ABI3BP: variants seen among roughly 807,000 people sequenced by gnomAD.
ABI3BP encodes the protein ABI family member 3 binding protein.
A neutral mutation model predicts 268.6 loss-of-function variants in ABI3BP; 216 were observed. The observed-to-expected ratio is 0.80, with a 90% CI of 0.72 to 0.90. The LOEUF (loss-of-function observed/expected upper bound fraction) is 0.90. ABI3BP is among the 40% of genes least tolerant of loss of function. The probability of loss-of-function intolerance (pLI) is 0.00; values close to 1 mark genes in which losing one functional copy is unlikely to be tolerated. For missense variants in ABI3BP, 2,090 were observed against 2,182.4 expected (o/e 0.96, Z 0.84); for synonymous variants, 730 against 730.0 (o/e 1.00, Z 0.00).
chr3:100,909,993 A>G (rs1372556805), intron 2 of ABI3BP, among the ~76,000 whole-genome samples: 2 of 152,226 alleles, frequency 1.3e-5, no homozygotes, highest in Admixed American at 1.3e-4. Flanking sequence ...AGCACTGTTC[A>G]CAATAGCAAA....
intron 2 of ABI3BP, among the ~76,000 whole-genome samples, chr3:100,906,065 C>T (rs974448337): frequency 2.0e-5 from 3 of 152,098 alleles, no homozygotes; most frequent in African/African-American, 7.2e-5. Context: ...TTTTAGAAAA[C>T]AAAACCCCTA....
intron 44 of ABI3BP, among the ~76,000 whole-genome samples, chr3:100,815,327 G>A (rs2098001486): frequency 6.6e-6 from 1 of 152,094 alleles, no homozygotes; most frequent in Non-Finnish European, 1.5e-5. Context: ...CACATATGAA[G>A]TGATTAAAGG....
At chr3:100,830,410 T>C (rs1310724784) in intron 32 of ABI3BP, among the ~76,000 whole-genome samples, 168 bp downstream of exon 32, 1 of 151,844 alleles carries the variant, frequency 6.6e-6, no homozygotes. Flanking sequence ...CTTGGCTCTT[T>C]TACCAACAAG....
chr3:100,775,447 A>G, intron 59 of ABI3BP, 112 bp from the exon 60 acceptor site: 1 of 1,400,644 alleles, frequency 7.1e-7, no homozygotes, highest in Middle Eastern at 2.5e-4. Context: ...GCTTGGCACT[A>G]TAGACCAGGC....
intron 1 of ABI3BP, among the ~76,000 whole-genome samples, chr3:100,987,378 T>C (rs1252874748): frequency 1.3e-5 from 2 of 152,234 alleles, no homozygotes; most frequent in East Asian, 3.8e-4. Context: ...TCCCCTCTCT[T>C]TCTTGAAGGG....
At chr3:100,756,430 G>A (rs2095620928) in intron 63 of ABI3BP, among the ~76,000 whole-genome samples, 2 of 152,162 alleles carry the variant, frequency 1.3e-5, no homozygotes, top group Admixed American at 1.3e-4. Context: ...ATGAGAGATT[G>A]TTGATACAAA....
At chr3:100,990,409 G>A (rs945396727) in intron 1 of ABI3BP, among the ~76,000 whole-genome samples, 8 of 151,876 alleles carry the variant, frequency 5.3e-5, no homozygotes, top group African/African-American at 1.9e-4. Context: ...GTCATTTAGT[G>A]GTGGGGAGGA....
intron 11 of ABI3BP, 59 bp from the exon 12 acceptor site, chr3:100,864,135 T>A: frequency 8.8e-7 from 1 of 1,132,530 alleles, no homozygotes; most frequent in Non-Finnish European, 1.3e-6. Context: ...TGTTGTGGCT[T>A]AACCATGATC....
At chr3:100,767,272 A>G (rs1282216553) in intron 62 of ABI3BP, among the ~76,000 whole-genome samples, 1 of 152,182 alleles carries the variant, frequency 6.6e-6, no homozygotes, top group Non-Finnish European at 1.5e-5. Flanking sequence ...TATTTAAAAT[A>G]CCCCAAGAGG....
chr3:100,992,064 TCA>T (rs1210855143), intron 1 of ABI3BP, among the ~76,000 whole-genome samples: 1 of 152,242 alleles, frequency 6.6e-6, no homozygotes, highest in African/African-American at 2.4e-5. Context: ...TTTATTTAAA[TCA>T]CAGTTTTATT....
chr3:100,765,116 A>AAC (rs1372107627), intron 63 of ABI3BP, among the ~76,000 whole-genome samples: 7 of 151,870 alleles, frequency 4.6e-5, no homozygotes, highest in South Asian at 2.1e-4. Context: ...GAAAAAAAAA[A>AAC]AAAACTTGGA....
intron 2 of ABI3BP, among the ~76,000 whole-genome samples, chr3:100,905,153 T>C (rs192002024): frequency 6.6e-6 from 1 of 151,852 alleles, no homozygotes; most frequent in African/African-American, 2.4e-5. Context: ...CAGCAAACTA[T>C]CGCAAGGACA....
At chr3:100,929,027 C>T (rs923142739) in intron 1 of ABI3BP, among the ~76,000 whole-genome samples, 5 of 152,018 alleles carry the variant, frequency 3.3e-5, no homozygotes, top group Admixed American at 3.3e-4. Context: ...GTTACTTCAC[C>T]CTGCTCAATA....
intron 63 of ABI3BP, among the ~76,000 whole-genome samples, chr3:100,763,923 A>G (rs2096122686): frequency 6.6e-6 from 1 of 152,234 alleles, no homozygotes; most frequent in Non-Finnish European, 1.5e-5. Flanking sequence ...GAATGAAAAC[A>G]CAAATGAAAA....
At chr3:100,876,105 AC>A (rs1333654432) in intron 7 of ABI3BP, among the ~76,000 whole-genome samples, 1 of 152,224 alleles carries the variant, frequency 6.6e-6, no homozygotes, top group Non-Finnish European at 1.5e-5. Flanking sequence ...AGAAGCCAAA[AC>A]AAAAACAGTC....
chr3:100,976,149 G>A (rs1415700005), intron 1 of ABI3BP, among the ~76,000 whole-genome samples: 2 of 152,068 alleles, frequency 1.3e-5, no homozygotes, highest in African/African-American at 4.8e-5. Context: ...GTAAAATATA[G>A]AGTTAAAATG....
intron 57 of ABI3BP, 126 bp from the exon 58 acceptor site, chr3:100,780,335 C>T: frequency 1.3e-6 from 1 of 794,218 alleles, no homozygotes; most frequent in Non-Finnish European, 2.0e-6. Context: ...TATGCCAAGA[C>T]ATTTTACGGG....
At position 100,749,810 on chromosome 3, in the gene ABI3BP, T is replaced by TATC. The variant is rs1391667904; in HGVS notation, c.*682_*684dup. 1.0e-5 allele frequency: 4 copies of TATC among 397,602 alleles called. No homozygotes were observed. The highest frequency in any genetic ancestry group is 8.2e-5 in the African/African-American group (4 of 48,568). 24.6% of individuals were successfully genotyped at this position (397,602 alleles called of 1,614,324 possible). A position where few individuals can be genotyped will look rare whatever the true frequency, so the allele number is the denominator to read the frequency against. On this transcript the variant is annotated 3_prime_UTR_variant, in exon 68 of 68. Transcript: ENST00000471714. ...GTAACATTTATGGTGGGTAAAAATG[T>TATC]ATCTTTTGAAACAATATATTAGACT...
At chr3:100,828,916 T>C (rs780310965) in intron 33 of ABI3BP, among the ~76,000 whole-genome samples, 7 of 152,018 alleles carry the variant, frequency 4.6e-5, no homozygotes, top group Non-Finnish European at 8.8e-5. Flanking sequence ...GATTCCTACC[T>C]AAAATCCAAA....
Sources: allele counts gnomAD v4.1 joint callset (sites outside exome capture counted in the v4.1 genomes callset), GRCh38; gene constraint gnomAD v4.1.1; transcripts MANE v1.5; gene names NCBI Gene and HGNC (gene_info 2026-07-23, HGNC 2026-07-21).